Variants in FOXK2 observed in about 807,000 individuals in gnomAD.
FOXK2 encodes forkhead box protein K2.
A neutral mutation model predicts 53.3 loss-of-function variants in FOXK2; 24 were observed. That is an observed-to-expected ratio of 0.45 (90% CI 0.33 to 0.63). FOXK2 has a LOEUF of 0.63. FOXK2 is among the 30% of genes least tolerant of loss of function. FOXK2 has a pLI of 0.03. For synonymous variants in FOXK2, 505 were observed against 407.1 expected, an observed-to-expected ratio of 1.24 and a Z score of -2.89; for missense variants, 952 against 910.5, an observed-to-expected ratio of 1.05 and a Z score of -0.59.
chr17:82,538,304 A>G (rs930469104), intron 1 of FOXK2, among the ~76,000 whole-genome samples: 4 of 152,228 alleles, frequency 2.6e-5, no homozygotes, highest in African/African-American at 9.6e-5. Flanking sequence ...CCTGGCCAAC[A>G]TAGTGAGACT....
intron 2 of FOXK2, among the ~76,000 whole-genome samples, chr17:82,565,875 C>T (rs568634425): frequency 2.0e-5 from 3 of 152,300 alleles, no homozygotes; most frequent in South Asian, 2.1e-4. Flanking sequence ...CAGCCTTATG[C>T]ACAATTTCCA....
chr17:82,524,285 C>T (rs932468890), intron 1 of FOXK2, among the ~76,000 whole-genome samples: 22 of 152,304 alleles, frequency 1.4e-4, no homozygotes, highest in African/African-American at 5.3e-4. Context: ...CGTCGTTGGT[C>T]TCTTATTTGA....
chr17:82,587,346 G>T, intron 8 of FOXK2, 74 bp downstream of exon 8: 2 of 1,161,462 alleles, frequency 1.7e-6, no homozygotes, highest in East Asian at 2.4e-5. Context: ...TCGTGGTTTC[G>T]GTTCTGACTG....
At chr17:82,573,184 C>A (rs944504926) in intron 4 of FOXK2, among the ~76,000 whole-genome samples, 1 of 151,912 alleles carries the variant, frequency 6.6e-6, no homozygotes, top group Non-Finnish European at 1.5e-5. Context: ...CAGAGCAAGA[C>A]CCTGTCTCAA....
intron 1 of FOXK2, among the ~76,000 whole-genome samples, chr17:82,533,138 G>C (rs577335389): frequency 3.2e-4 from 48 of 152,276 alleles, no homozygotes; most frequent in African/African-American, 1.1e-3. Context: ...ACCTGGGGCT[G>C]TTGTATAGTT....
intron 4 of FOXK2, among the ~76,000 whole-genome samples, chr17:82,577,754 T>G (rs4789802): frequency 0.21 from 32,404 of 152,096 alleles, 3,821 homozygotes; most frequent in East Asian, 0.39. Flanking sequence ...TTTATTTTTT[T>G]GGGGACAGAG....
chr17:82,534,915 C>G (rs1027036290), intron 1 of FOXK2, among the ~76,000 whole-genome samples: 1 of 152,240 alleles, frequency 6.6e-6, no homozygotes, highest in African/African-American at 2.4e-5. Context: ...GGTTCTTGCT[C>G]TGTCGCCCAG....
chr17:82,589,378 C>A (rs1021136660), intron 8 of FOXK2, among the ~76,000 whole-genome samples: 1 of 152,146 alleles, frequency 6.6e-6, no homozygotes, highest in Non-Finnish European at 1.5e-5. Context: ...TTAGTCATAT[C>A]TTTTCTCTGC....
chr17:82,537,597 C>A (rs771592608), intron 1 of FOXK2, among the ~76,000 whole-genome samples: 2 of 110,118 alleles, frequency 1.8e-5, no homozygotes, highest in African/African-American at 7.3e-5. Flanking sequence ...CCGGCCTGGG[C>A]GACAAGAGTG....
chr17:82,570,522 C>G (rs552531851), intron 3 of FOXK2, among the ~76,000 whole-genome samples: 35 of 152,274 alleles, frequency 2.3e-4, no homozygotes, highest in African/African-American at 8.2e-4. Flanking sequence ...GTCCCTCTGC[C>G]CACTCTGAGC....
At chr17:82,559,202 C>T in intron 1 of FOXK2, 1 of 379,570 alleles carries the variant, frequency 2.6e-6, no homozygotes, top group Admixed American at 2.8e-5. Context: ...CTTAGTAGTA[C>T]AGTGTTTGAT....
chr17:82,530,445 T>TA (rs919452670), intron 1 of FOXK2, among the ~76,000 whole-genome samples: 9,539 of 78,606 alleles, frequency 0.12, 809 homozygotes, highest in East Asian at 0.3. Flanking sequence ...AAACTCCATC[T>TA]AAAAAAAAAA....
intron 1 of FOXK2, among the ~76,000 whole-genome samples, chr17:82,542,892 C>T (rs963158373): frequency 1.3e-5 from 2 of 152,122 alleles, no homozygotes; most frequent in African/African-American, 4.8e-5. Context: ...GTGGTGCGCA[C>T]CTGTAGTCCC....
intron 1 of FOXK2, among the ~76,000 whole-genome samples, chr17:82,533,600 C>T (rs1318718599): frequency 1.4e-4 from 22 of 152,104 alleles, no homozygotes; most frequent in Non-Finnish European, 2.9e-4. Context: ...TACGGCTGTT[C>T]GCGTAGTAGG....
rs375128258 is a variant in FOXK2 at position 82,571,786 on chromosome 17, C to T, written c.825C>T (p.Pro275=). The T allele has an allele frequency of 1.0e-5, 16 of 1,602,868 alleles. No homozygotes were observed. Among genetic ancestry groups the T allele is most frequent in the East Asian group, 4.6e-5 (2 of 43,450 alleles). ...QLIVQAITMA[P]DKQLTLNGIY... ...TAGTTCAGGCGATTACGATGGCTCC[C>T]GACAAACAGCTCACCCTGAACGGGA... Residue 275 remains proline (P), a synonymous_variant, in exon 4 of 9, where the codon CCC becomes CCT. Coordinates refer to ENST00000335255, the MANE Select transcript of FOXK2 (RefSeq NM_004514.4).
At chr17:82,548,205 G>T (rs1436216010) in intron 1 of FOXK2, among the ~76,000 whole-genome samples, 1 of 152,208 alleles carries the variant, frequency 6.6e-6, no homozygotes, top group African/African-American at 2.4e-5. Flanking sequence ...CAGAAAAGCT[G>T]ACCCACTTTT....
At chr17:82,552,963 T>A (rs1401911430) in intron 1 of FOXK2, among the ~76,000 whole-genome samples, 4 of 152,244 alleles carry the variant, frequency 2.6e-5, no homozygotes, top group Non-Finnish European at 5.9e-5. Flanking sequence ...TTGGAGACAG[T>A]CTTGCTCTGT....
At chr17:82,521,444 T>C (rs2144032191) in intron 1 of FOXK2, among the ~76,000 whole-genome samples, 1 of 150,738 alleles carries the variant, frequency 6.6e-6, no homozygotes, top group African/African-American at 2.4e-5. Flanking sequence ...AGTGCTGGGA[T>C]TACAGGCGTG....
intron 1 of FOXK2, among the ~76,000 whole-genome samples, chr17:82,536,065 A>G (rs2044517856): frequency 1.3e-5 from 2 of 151,530 alleles, no homozygotes; most frequent in Non-Finnish European, 2.9e-5. Flanking sequence ...TTTAGTAGAG[A>G]TGGGGTTTCA....
Sources: gnomAD v4.1 joint callset for allele counts (sites outside exome capture counted in the v4.1 genomes callset) on GRCh38, gnomAD v4.1.1 for gene constraint, MANE v1.5 for transcripts, NCBI Gene and HGNC (gene_info 2026-07-23, HGNC 2026-07-21) for gene names.